SHPRH: variants seen among roughly 807,000 people sequenced by gnomAD.
SHPRH encodes the protein SNF2 histone linker PHD RING helicase.
A neutral mutation model predicts 202.5 loss-of-function variants in SHPRH; 106 were observed. That is an observed-to-expected ratio of 0.52 (90% CI 0.45 to 0.62). SHPRH has a LOEUF of 0.62. Among genes scored for constraint, SHPRH ranks in the 20% least tolerant of loss-of-function variants. The pLI is 0.00. For synonymous variants in SHPRH, 729 were observed against 686.0 expected (o/e 1.06, Z -0.98); for missense variants, 1,710 against 2,020.0 (o/e 0.85, Z 2.94).
Position 145,948,353 on chromosome 6 carries a change from A to G in SHPRH, c.983-3T>C, listed in dbSNP as rs1201136012. Reference sequence around the variant, plus strand: ...CCATAAGAAGTGCAGGGCACTTTCTAAAGAAAAATATAATCATAATAACAA... The same window carrying G: ...CCATAAGAAGTGCAGGGCACTTTCTGAAGAAAAATATAATCATAATAACAA... On this transcript the variant is annotated splice_region_variant and splice_polypyrimidine_tract_variant and intron_variant, in intron 4 of 29. Transcript: ENST00000275233. The G allele has an allele frequency of 1.3e-6, 2 of 1,593,414 alleles. No homozygotes were observed. Among genetic ancestry groups the G allele is most frequent in the South Asian group, 2.3e-5 (2 of 85,944 alleles).
intron 23 of SHPRH, among the ~76,000 whole-genome samples, chr6:145,916,400 T>C (rs1304773360): frequency 6.6e-6 from 1 of 152,102 alleles, no homozygotes; most frequent in African/African-American, 2.4e-5. Context: ...TGTTGACAGA[T>C]ATTGTTAAAG....
intron 4 of SHPRH, among the ~76,000 whole-genome samples, chr6:145,949,329 G>A (rs1787735198): frequency 1.3e-5 from 2 of 152,068 alleles, no homozygotes; most frequent in South Asian, 4.1e-4. Flanking sequence ...ATCAACCAAT[G>A]AGTGGATAAA....
intron 9 of SHPRH, 65 bp downstream of exon 9, chr6:145,943,078 G>A (rs2128782235): frequency 6.7e-7 from 1 of 1,483,124 alleles, no homozygotes; most frequent in East Asian, 2.3e-5. Context: ...ACAAAGATTA[G>A]GAAACTATCA....
At chr6:145,864,359 A>T (rs546113045) in exon 3 of SHPRH, 7 of 416,502 alleles carry the variant, frequency 1.7e-5, no homozygotes, top group African/African-American at 1.2e-4. Context: ...AAATCAAAAA[A>T]TTTTTAAAGT....
In SHPRH at chr6:145,948,297, G is replaced by C. The variant is rs1184562117; in HGVS notation, c.1036C>G (p.Leu346Val). 1 of 1,603,274 alleles carries C rather than the reference G, an allele frequency of 6.2e-7. No homozygotes were observed. The highest frequency in any genetic ancestry group is 8.5e-7 in the Non-Finnish European group (1 of 1,174,390). The change falls in exon 5 of 30, where the codon CTC (leucine) becomes GTC (valine). Residue 346 changes from leucine to valine, a missense_variant. By Grantham distance (32) the Leu-to-Val change is conservative. Transcript: ENST00000275233. Reference protein sequence around the residue: ...REIVTSEGLKLYYNPYTGCII... With the variant: ...REIVTSEGLKVYYNPYTGCII... ...CAGCCTGTATATGGATTATAGTAGA[G>C]TTTCAGACCCTCAGATGTAACAATC... is the stretch of plus-strand genomic sequence containing the variant.
intron 2 of SHPRH, among the ~76,000 whole-genome samples, chr6:145,871,714 A>G (rs1398286741): frequency 6.6e-6 from 1 of 152,230 alleles, no homozygotes; most frequent in African/African-American, 2.4e-5. Flanking sequence ...TTTATATGGA[A>G]CCAAAAAAGA....
chr6:145,925,099 A>T (rs546661183), intron 16 of SHPRH, among the ~76,000 whole-genome samples: 2 of 148,146 alleles, frequency 1.4e-5, no homozygotes, highest in African/African-American at 4.9e-5. Flanking sequence ...TTCTTATTTA[A>T]TTTTTTTTTT....
At chr6:145,909,140 G>A (rs1783249504) in intron 25 of SHPRH, 1 of 152,030 alleles carries the variant, frequency 6.6e-6, no homozygotes, top group Admixed American at 6.6e-5. Flanking sequence ...GGTTACTGTA[G>A]CCTTGTAGTA....
At chr6:145,862,472 A>C (rs1311756096), downstream of SHPRH, among the ~76,000 whole-genome samples, 6 of 151,832 alleles carry the variant, frequency 4.0e-5, no homozygotes, top group African/African-American at 1.5e-4. Context: ...AAAAAACAAA[A>C]AGAAAAAACA....
intron 10 of SHPRH, 60 bp downstream of exon 10, chr6:145,941,563 C>T: frequency 6.3e-7 from 1 of 1,593,272 alleles, no homozygotes; most frequent in Non-Finnish European, 8.5e-7. Context: ...TACTCAAGGT[C>T]CCCTAATTCC....
At chr6:145,926,465 G>T (rs1363767321) in intron 15 of SHPRH, among the ~76,000 whole-genome samples, 169 bp from the exon 16 acceptor site, 2 of 151,802 alleles carry the variant, frequency 1.3e-5, no homozygotes, top group African/African-American at 4.8e-5. Flanking sequence ...TTTACTCAAG[G>T]GCAGGGTGTT....
In SHPRH at chr6:145,910,556, G is replaced by C; in HGVS notation, c.4407C>G (p.His1469Gln). 6.2e-7 allele frequency: 1 copy of C among 1,612,858 alleles called. No homozygotes were observed. Among genetic ancestry groups the C allele is most frequent in the Non-Finnish European group, 8.5e-7 (1 of 1,179,602 alleles). The change falls in exon 25 of 30, where the codon CAC (histidine) becomes CAG (glutamine). Residue 1469 changes from histidine to glutamine, a missense_variant. By Grantham distance (24) the His-to-Gln change is conservative. Coordinates refer to ENST00000275233, the MANE Select transcript of SHPRH (RefSeq NM_001042683.3). The part of the protein sequence containing the change: ...IIIEQYSVGS[H>Q]RSSIKCAICR... ...AGATTGCACACTTAATGGAGCTTCT[G>C]TGAGATCCCACGCTGTATTGTTCAA... is the stretch of plus-strand genomic sequence containing the variant.
At chr6:145,928,816 T>C (rs1238850467) in intron 14 of SHPRH, among the ~76,000 whole-genome samples, 3 of 151,964 alleles carry the variant, frequency 2.0e-5, no homozygotes, top group African/African-American at 7.2e-5. Flanking sequence ...ATCAAAGAAC[T>C]GTAGTCAGCC....
At chr6:145,863,251 T>G (rs958201312), downstream of SHPRH, among the ~76,000 whole-genome samples, 1 of 152,200 alleles carries the variant, frequency 6.6e-6, no homozygotes, top group African/African-American at 2.4e-5. Context: ...ATACTTGTGG[T>G]GAGACTTGAA....
At chr6:145,889,343 G>T (rs1189280766) in intron 28 of SHPRH, among the ~76,000 whole-genome samples, 1 of 152,040 alleles carries the variant, frequency 6.6e-6, no homozygotes, top group African/African-American at 2.4e-5. Flanking sequence ...CAGAGAATGG[G>T]GGATAAAAAA....
chr6:145,897,224 C>T (rs1431710929), intron 25 of SHPRH, among the ~76,000 whole-genome samples: 1 of 151,492 alleles, frequency 6.6e-6, no homozygotes, highest in African/African-American at 2.4e-5. Context: ...AAACTGATAC[C>T]ACAGAAATAC....
At chr6:145,911,368 T>C (rs996844396) in intron 24 of SHPRH, among the ~76,000 whole-genome samples, 1 of 152,066 alleles carries the variant, frequency 6.6e-6, no homozygotes, top group African/African-American at 2.4e-5. Context: ...ACTCCTGACC[T>C]CATGATCCAT....
At chr6:145,918,857 T>A (rs1784175675) in intron 22 of SHPRH, 1 of 153,550 alleles carries the variant, frequency 6.5e-6, no homozygotes, top group Admixed American at 6.5e-5. Flanking sequence ...TAATGGAGAA[T>A]AAAAGAGATT....
chr6:145,923,923 C>G, intron 17 of SHPRH, 138 bp from the exon 18 acceptor site: 1 of 767,244 alleles, frequency 1.3e-6, no homozygotes, highest in Non-Finnish European at 2.0e-6. Flanking sequence ...AGAGGGGAGA[C>G]GAGTATACAT....
Sources: gnomAD v4.1 joint callset for allele counts (sites outside exome capture counted in the v4.1 genomes callset) on GRCh38, gnomAD v4.1.1 for gene constraint, MANE v1.5 for transcripts, NCBI Gene and HGNC (gene_info 2026-07-23, HGNC 2026-07-21) for gene names.